TTN: variants seen among roughly 807,000 people sequenced by gnomAD.
The protein encoded by TTN is titin.
Under a neutral mutation model 3,223.0 loss-of-function variants are expected in TTN, and 1,525 were observed. The ratio of observed to expected loss-of-function variants is 0.47; its 90% confidence interval spans 0.45 to 0.49. The LOEUF (loss-of-function observed/expected upper bound fraction) is 0.49. Among genes scored for constraint, TTN ranks in the 20% least tolerant of loss-of-function variants. The pLI is 0.00. For missense variants in TTN, 40,786 were observed against 43,424.0 expected, an observed-to-expected ratio of 0.94 and a Z score of 5.40; for synonymous variants, 14,094 against 15,161.0, an observed-to-expected ratio of 0.93 and a Z score of 5.17.
Position 178,572,100 on chromosome 2 carries a change from C to T in TTN, c.74032G>A (p.Gly24678Arg), listed in dbSNP as rs756307970. ...TVKVTEATIT[G>R]LIQGEEYSFR... is the part of the protein sequence containing the mutation. Reference sequence around the variant, plus strand: ...GAGTATTCTTCACCCTGAATTAATCCAGTGATAGTGGCTTCAGTGACCTTG... The same window carrying T: ...GAGTATTCTTCACCCTGAATTAATCTAGTGATAGTGGCTTCAGTGACCTTG... The change falls in exon 326 of 363, where the codon GGA (glycine) becomes AGA (arginine). Residue 24678 changes from glycine (G) to arginine (R), a missense_variant. Transcript: ENST00000589042. The T allele has an allele frequency of 1.2e-6, 2 of 1,613,152 alleles. No homozygotes were observed. Among genetic ancestry groups the T allele is most frequent in the South Asian group, 2.2e-5 (2 of 91,032 alleles).
At chr2:178,777,663 T>A (rs79119857) in intron 25 of TTN, 41 bp downstream of exon 25, 1 of 1,613,860 alleles carries the variant, frequency 6.2e-7, no homozygotes, top group Non-Finnish European at 8.5e-7. Context: ...AGCTTGTTTT[T>A]GTGTTTTTAT....
Position 178,681,435 on chromosome 2 carries a change from A to T in TTN, c.33188T>A (p.Val11063Asp), listed in dbSNP as rs929133857. The stretch of plus-strand genomic sequence containing the variant: ...GGGCACTGGTACTTTTTCTTCAGGG[A>T]CAGCTTTCTTCAGCACTTCAAAATA... ...APPAKVLKKA[V>D]PEEKVPVPIP... Residue 11063 changes from valine (V) to aspartate (D), a missense_variant, in exon 137 of 363, where the codon GTC (valine) becomes GAC (aspartate). Val to Asp is a radical substitution (Grantham distance 152). Transcript: ENST00000589042. 3 of 1,611,760 alleles carry T rather than the reference A, an allele frequency of 1.9e-6. No individual in the cohort carries two copies. Among genetic ancestry groups the T allele is most frequent in the Non-Finnish European group, 2.5e-6 (3 of 1,178,876 alleles).
Position 178,751,751 on chromosome 2 carries a change from C to T in TTN, c.11311+1373G>A, listed in dbSNP as rs189154521. The T allele has an allele frequency of 5.8e-5, 93 of 1,613,000 alleles. No individual in the cohort carries two copies. The highest frequency in any genetic ancestry group is 7.2e-5 in the Non-Finnish European group (85 of 1,179,396). On this transcript the variant is annotated intron_variant, in intron 47 of 362. Coordinates refer to ENST00000589042, the MANE Select transcript of TTN (RefSeq NM_001267550.2). ...TAAATCACTCTCAGCTTTTATAATC[C>T]GACGAAGACCTGTTGGGATGGGCCG...
In TTN at chr2:178,589,622, C is replaced by G; in HGVS notation, c.62103G>C (p.Leu20701=). ...RPDYDGGSPN[L]SYHVERRLKG... The stretch of plus-strand genomic sequence containing the variant: ...TAAGCCTTCTCTCAACATGATATGA[C>G]AGATTTGGACTGCCACCATCATAGT... The change falls in exon 304 of 363, where the codon CTG becomes CTC. Residue 20701 remains leucine, a synonymous_variant. Coordinates refer to ENST00000589042, the MANE Select transcript of TTN (RefSeq NM_001267550.2). The G allele has an allele frequency of 6.2e-7, 1 of 1,613,282 alleles. No individual in the cohort carries two copies. The highest frequency in any genetic ancestry group is 8.5e-7 in the Non-Finnish European group (1 of 1,179,482).
chr2:178,626,508 T>G (rs16866420), intron 240 of TTN, among the ~76,000 whole-genome samples: 54,976 of 151,746 alleles, frequency 0.36, 11,907 homozygotes, highest in East Asian at 0.71. Context: ...TAATGTAAAG[T>G]TTTTCACCAG....
chr2:178,747,558 CA>C (rs1464093832), intron 47 of TTN: 7 of 1,613,258 alleles, frequency 4.3e-6, no homozygotes, highest in Non-Finnish European at 5.9e-6. Context: ...TATTCATACA[CA>C]GTGTTGAAAG....
In TTN at chr2:178,533,322, C is replaced by T. The variant is rs763171022; in HGVS notation, c.103293G>A (p.Thr34431=). Residue 34431 remains threonine (T), a synonymous_variant, in exon 358 of 363, where the codon ACG becomes ACA. Transcript: ENST00000589042. ...LHIRDTLPED[T]GYYRVTATNT... is the part of the protein sequence containing the mutation. ...TAGTGGCTGTGACTCTATAATAACC[C>T]GTGTCTTCAGGCAAAGTGTCCCTGA... The T allele has an allele frequency of 6.8e-6, 11 of 1,613,630 alleles. No homozygotes were observed. The highest frequency in any genetic ancestry group is 4.0e-5 in the African/African-American group (3 of 74,882).
rs935554305 is a variant in TTN, at chr2:178,528,980, C to G, written c.106771G>C (p.Glu35591Gln). 6.2e-7 allele frequency: 1 copy of G among 1,613,974 alleles called. No homozygotes were observed. Among genetic ancestry groups the G allele is most frequent in the Admixed American group, 1.7e-5 (1 of 60,032 alleles). The change falls in exon 360 of 363, where the codon GAG becomes CAG. Residue 35591 changes from glutamate to glutamine, a missense_variant. Coordinates refer to ENST00000589042, the MANE Select transcript of TTN (RefSeq NM_001267550.2). The stretch of plus-strand genomic sequence containing the variant: ...GCCTGTGATGTTTTAGTGATTTCCT[C>G]ATGGACAATGGATTTTTCCAGGGAG... ...ATSLEKSIVH[E>Q]EITKTSQASE...
chr2:178,642,669 C>T (rs1013795939), intron 218 of TTN, among the ~76,000 whole-genome samples: 15 of 151,904 alleles, frequency 9.9e-5, no homozygotes, highest in African/African-American at 3.1e-4. Context: ...TCCAAATCTA[C>T]GATGTTATCT....
Position 178,554,443 on chromosome 2 carries a change from C to A in TTN, c.88894+10G>T. 1 of 1,610,032 alleles carries A rather than the reference C, an allele frequency of 6.2e-7. No individual in the cohort carries two copies. Among genetic ancestry groups the A allele is most frequent in the Non-Finnish European group, 8.5e-7 (1 of 1,178,334 alleles). ...TCACGTTTCAGTTTTCTAATGAAAT[C>A]ATGTCTCACCAAATGCGTTCTTGGC... On this transcript the variant is annotated intron_variant, in intron 332 of 362. Coordinates refer to ENST00000589042, the MANE Select transcript of TTN (RefSeq NM_001267550.2).
chr2:178,642,603 C>T (rs1015645270), intron 218 of TTN, among the ~76,000 whole-genome samples: 1 of 151,920 alleles, frequency 6.6e-6, no homozygotes, highest in African/African-American at 2.4e-5. Context: ...ATGAATCTTT[C>T]ATCAAATTAC....
Position 178,549,753 on chromosome 2 carries a change from T to C in TTN, c.91969A>G (p.Ile30657Val), listed in dbSNP as rs940922600. 1.2e-6 allele frequency: 2 copies of C among 1,613,644 alleles called. No individual in the cohort carries two copies. Among genetic ancestry groups the C allele is most frequent in the African/African-American group, 2.7e-5 (2 of 74,906 alleles). The change falls in exon 338 of 363, where the codon ATT (isoleucine) becomes GTT (valine). Residue 30657 changes from isoleucine to valine, a missense_variant. Physicochemically the swap from Ile to Val is conservative, Grantham distance 29 (BLOSUM62 3). Coordinates refer to ENST00000589042, the MANE Select transcript of TTN (RefSeq NM_001267550.2). ...AGTCTGCTGGTTTCCCGTTTTTCAA[T>C]GATGTAGTGGGTTATGGGAGCACAA... ...DGCAPITHYIIEKRETSRLAW... is the reference protein window; with the variant it reads ...DGCAPITHYIVEKRETSRLAW...
At chr2:178,763,070 A>G (rs1345557502) in intron 43 of TTN, among the ~76,000 whole-genome samples, 1 of 152,242 alleles carries the variant, frequency 6.6e-6, no homozygotes, top group East Asian at 1.9e-4. Flanking sequence ...TAATAAACAA[A>G]ACAATACAAC....
At chr2:178,651,789 T>C in intron 205 of TTN, 40 bp from the exon 206 acceptor site, 9 of 1,608,364 alleles carry the variant, frequency 5.6e-6, no homozygotes, top group Non-Finnish European at 6.8e-6. Context: ...GAACGAAGAT[T>C]GAGAAACAAG....
At chr2:178,638,340 A>C (rs999364553) in intron 223 of TTN, among the ~76,000 whole-genome samples, 14 of 150,798 alleles carry the variant, frequency 9.3e-5, no homozygotes, top group Admixed American at 4.0e-4. Context: ...ATATATAAAC[A>C]AATATAAAAT....
chr2:178,636,875 G>GTTTT lies in TTN; in HGVS notation c.40928-77_40928-76insAAAA. ...AAAGTTCATACTTGGCTGCCTGCTG[G>GTTTT]ATAAAACCAGCCGTAAAGCAATTAG... is the stretch of plus-strand genomic sequence containing the variant. On this transcript the variant is annotated intron_variant, in intron 224 of 362. Coordinates refer to ENST00000589042, the MANE Select transcript of TTN (RefSeq NM_001267550.2). This position sits in a 1 kb window ranked among gnomAD's most constrained non-coding sequence, Gnocchi z 4.3. 1 of 1,456,884 alleles carries GTTTT rather than the reference G, an allele frequency of 6.9e-7. No individual in the cohort carries two copies. The highest frequency in any genetic ancestry group is 9.1e-7 in the Non-Finnish European group (1 of 1,099,558). The allele number at this position is 1,456,884 out of a possible 1,614,324, so 90.2% of individuals were successfully genotyped here.
At chr2:178,769,075 C>G in intron 37 of TTN, 142 bp from the exon 38 acceptor site, 1 of 913,062 alleles carries the variant, frequency 1.1e-6, no homozygotes, top group Non-Finnish European at 1.7e-6. Flanking sequence ...GCTTTGATAC[C>G]TTCCATGTAC....
At position 178,665,472 on chromosome 2, in the gene TTN, T is replaced by A. The variant is rs1301539785; in HGVS notation, c.35960-12A>T. ...CATAGCTTCTGGTGCTTTGAAGATA[T>A]TAGTATTATGGTTAGAGGTTAAAAG... On this transcript the variant is annotated splice_polypyrimidine_tract_variant and intron_variant, in intron 164 of 362. Coordinates refer to ENST00000589042, the MANE Select transcript of TTN (RefSeq NM_001267550.2). 1.2e-6 allele frequency: 2 copies of A among 1,611,370 alleles called. No individual in the cohort carries two copies. The highest frequency in any genetic ancestry group is 1.7e-4 in the Middle Eastern group (1 of 6,056).
chr2:178,695,511 G>A, intron 114 of TTN, 101 bp from the exon 115 acceptor site: 1 of 904,740 alleles, frequency 1.1e-6, no homozygotes, highest in East Asian at 2.5e-5. Flanking sequence ...ATATAATCGT[G>A]TGAAGTATTA....
Sources: gnomAD v4.1 joint callset for allele counts (sites outside exome capture counted in the v4.1 genomes callset) on GRCh38, gnomAD v4.1.1 for gene constraint, Gnocchi (gnomAD v3.1) non-coding constraint, MANE v1.5 for transcripts, NCBI Gene and HGNC (gene_info 2026-07-23, HGNC 2026-07-21) for gene names.